PIK3C2A: variants seen among roughly 807,000 people sequenced by gnomAD.
PIK3C2A encodes the protein phosphatidylinositol 4-phosphate 3-kinase C2 domain-containing subunit alpha.
Under a neutral mutation model 204.5 loss-of-function variants are expected in PIK3C2A, and 97 were observed. That is an observed-to-expected ratio of 0.47 (90% confidence interval 0.40 to 0.56). The LOEUF (loss-of-function observed/expected upper bound fraction) is 0.56. PIK3C2A is among the 20% of genes least tolerant of loss of function. The pLI is 0.00. For missense variants in PIK3C2A, 1,735 were observed against 1,969.2 expected (o/e 0.88, Z 2.25); for synonymous variants, 653 against 664.4 (o/e 0.98, Z 0.26).
chr11:17,195,855 T>A (rs1430590808), intron 1 of PIK3C2A, among the ~76,000 whole-genome samples: 1 of 151,624 alleles, frequency 6.6e-6, no homozygotes, highest in Non-Finnish European at 1.5e-5. Flanking sequence ...CTGGCTAACA[T>A]GGTGAAACCC....
chr11:17,182,271 C>A (rs12295187), intron 1 of PIK3C2A, among the ~76,000 whole-genome samples: 3 of 151,844 alleles, frequency 2.0e-5, no homozygotes, highest in Non-Finnish European at 4.4e-5. Context: ...CTTTTCTGTG[C>A]GTTACTTAAC....
At chr11:17,145,270 C>A (rs560904939) in intron 8 of PIK3C2A, among the ~76,000 whole-genome samples, 54 of 152,262 alleles carry the variant, frequency 3.5e-4, no homozygotes, top group Admixed American at 3.2e-3. Flanking sequence ...TATGTCCCCC[C>A]CAAATCTCAC....
intron 1 of PIK3C2A, among the ~76,000 whole-genome samples, chr11:17,200,449 T>C (rs1852327020): frequency 6.6e-6 from 1 of 151,838 alleles, no homozygotes; most frequent in Admixed American, 6.6e-5. Flanking sequence ...AAGAGACATG[T>C]TATTGAATCT....
At chr11:17,100,253 G>A (rs1056784783) in intron 25 of PIK3C2A, among the ~76,000 whole-genome samples, 15 of 122,758 alleles carry the variant, frequency 1.2e-4, no homozygotes, top group Non-Finnish European at 1.9e-4. Flanking sequence ...TGGGGGCGGG[G>A]GGGGGGGGCA....
intron 1 of PIK3C2A, among the ~76,000 whole-genome samples, chr11:17,180,288 A>G (rs1375491307): frequency 6.6e-6 from 1 of 152,082 alleles, no homozygotes. Flanking sequence ...AGACTGCTTG[A>G]GCCCAGGGGG....
chr11:17,151,911 AAGAC>A (rs1447832648), intron 3 of PIK3C2A, among the ~76,000 whole-genome samples: 4 of 152,280 alleles, frequency 2.6e-5, no homozygotes, highest in East Asian at 1.9e-4. Context: ...TACAAACACT[AAGAC>A]AGAGGCTCAC....
chr11:17,169,867 G>A (rs1851103723), intron 1 of PIK3C2A, 61 bp from the exon 2 acceptor site: 3 of 664,628 alleles, frequency 4.5e-6, no homozygotes, highest in Non-Finnish European at 5.0e-6. Flanking sequence ...TATTTTGTTT[G>A]CAACCTACCC....
At chr11:17,111,057 G>A (rs1449305807) in intron 21 of PIK3C2A, among the ~76,000 whole-genome samples, 1 of 152,008 alleles carries the variant, frequency 6.6e-6, no homozygotes, top group African/African-American at 2.4e-5. Context: ...ATAGGTGCCT[G>A]CCACCACACC....
intron 14 of PIK3C2A, 112 bp from the exon 15 acceptor site, chr11:17,122,445 A>C (rs1849396077): frequency 1.4e-6 from 1 of 696,286 alleles, no homozygotes; most frequent in Non-Finnish European, 2.5e-6. Context: ...ATTTACATTG[A>C]ATATTAAATT....
chr11:17,192,082 T>C (rs1851965853), intron 1 of PIK3C2A, among the ~76,000 whole-genome samples: 1 of 151,782 alleles, frequency 6.6e-6, no homozygotes, highest in East Asian at 1.9e-4. Context: ...GAAGCAGAGG[T>C]TGCAGCAAGC....
chr11:17,110,976 C>T (rs930681838), intron 21 of PIK3C2A, among the ~76,000 whole-genome samples: 2 of 152,052 alleles, frequency 1.3e-5, no homozygotes, highest in Non-Finnish European at 2.9e-5. Context: ...GGGGTCATCT[C>T]GGCTCACTGC....
chr11:17,107,131 G>A (rs895966646), intron 22 of PIK3C2A, among the ~76,000 whole-genome samples: 1 of 152,074 alleles, frequency 6.6e-6, no homozygotes, highest in Non-Finnish European at 1.5e-5. Context: ...GGCTAACATG[G>A]TGAAACCCCA....
chr11:17,190,967 C>G (rs571658378), intron 1 of PIK3C2A, among the ~76,000 whole-genome samples: 41 of 152,082 alleles, frequency 2.7e-4, no homozygotes, highest in Admixed American at 5.2e-4. Context: ...AGACATCAAC[C>G]AAACAAAACC....
chr11:17,147,133 A>G (rs1340549468), intron 6 of PIK3C2A, among the ~76,000 whole-genome samples: 1 of 152,134 alleles, frequency 6.6e-6, no homozygotes, highest in Non-Finnish European at 1.5e-5. Flanking sequence ...GTGATGAATA[A>G]TTTATTTTTC....
In PIK3C2A at chr11:17,145,734, G is replaced by A. The variant is rs1161273908; in HGVS notation, c.1641-3C>T. Reference sequence around the variant, plus strand: ...CTAAGAGTTCTTCAACAGGGTGTCTGAAAGAAACAACAGTTATTGTGGCTG... The same window carrying A: ...CTAAGAGTTCTTCAACAGGGTGTCTAAAAGAAACAACAGTTATTGTGGCTG... On this transcript the variant is annotated splice_polypyrimidine_tract_variant and splice_region_variant and intron_variant, in intron 7 of 32. Transcript: ENST00000691414. The A allele has an allele frequency of 1.2e-6, 2 of 1,601,666 alleles. No homozygotes were observed. The highest frequency in any genetic ancestry group is 1.1e-5 in the South Asian group (1 of 90,680).
chr11:17,091,771 GA>G, intron 30 of PIK3C2A, 115 bp from the exon 31 acceptor site: 8 of 720,348 alleles, frequency 1.1e-5, no homozygotes, highest in Non-Finnish European at 1.4e-5. Context: ...GAAGGGAGGG[GA>G]AAAAGGAGTA....
intron 23 of PIK3C2A, among the ~76,000 whole-genome samples, chr11:17,103,384 T>A (rs1021827457): frequency 2.6e-5 from 4 of 152,106 alleles, no homozygotes; most frequent in African/African-American, 9.7e-5. Flanking sequence ...TAATATTGTA[T>A]AGAAGGATAC....
At chr11:17,125,567 G>A (rs992716873) in intron 13 of PIK3C2A, among the ~76,000 whole-genome samples, 3 of 151,968 alleles carry the variant, frequency 2.0e-5, no homozygotes, top group African/African-American at 7.3e-5. Flanking sequence ...AGGCTGGAGT[G>A]TAGTGGTGCA....
chr11:17,096,256 C>T (rs1848452329), intron 27 of PIK3C2A, among the ~76,000 whole-genome samples: 1 of 143,366 alleles, frequency 7.0e-6, no homozygotes, highest in African/African-American at 2.6e-5. Context: ...CCAGGCTGGT[C>T]TTGAACTCCT....
Sources: allele counts gnomAD v4.1 joint callset (sites outside exome capture counted in the v4.1 genomes callset), GRCh38; gene constraint gnomAD v4.1.1; transcripts MANE v1.5; gene names NCBI Gene and HGNC (gene_info 2026-07-23, HGNC 2026-07-21).